Variants in PPL observed in about 807,000 individuals in gnomAD.
The protein encoded by PPL is periplakin, also known as 190 kDa paraneoplastic pemphigus antigen.
PPL carries 198 observed loss-of-function variants against 194.4 expected under a neutral mutation model. The ratio of observed to expected loss-of-function variants is 1.02; its 90% CI spans 0.91 to 1.15. PPL has a LOEUF of 1.15. Ranked by LOEUF, PPL falls within the 50% of genes most tolerant of loss-of-function variation. The pLI, the probability that PPL is intolerant of heterozygous loss-of-function variation, is 0.00. For missense variants in PPL, 2,885 were observed against 2,294.8 expected (o/e 1.26, Z -5.25); for synonymous variants, 1,220 against 972.4 (o/e 1.25, Z -4.74).
chr16:4,910,915 G>T lies in PPL; in HGVS notation c.97C>A (p.Gln33Lys). 6.2e-7 allele frequency: 1 copy of T among 1,613,476 alleles called. No individual in the cohort carries two copies. The highest frequency in any genetic ancestry group is 8.5e-7 in the Non-Finnish European group (1 of 1,179,996). Residue 33 changes from glutamine (Q) to lysine (K), a missense_variant, in exon 2 of 22, where the codon CAG (glutamine) becomes AAG (lysine). Physicochemically the swap from Gln to Lys is moderately conservative, Grantham distance 53. Transcript: ENST00000345988. ...SNKELSELIE[Q>K]LQKNADQVEK... ...ACCTGGTCGGCATTCTTCTGCAGCT[G>T]CTCGATCAGCTCCGAGAGCTCCTTG...
At chr16:4,895,214 C>A in intron 11 of PPL, 47 bp downstream of exon 11, 3 of 1,538,858 alleles carry the variant, frequency 1.9e-6, no homozygotes, top group South Asian at 2.4e-5. Context: ...ACCATGTTAC[C>A]CCAAAAACTT....
At position 4,895,324 on chromosome 16, in the gene PPL, G is replaced by T. The variant is rs1172554313; in HGVS notation, c.1179C>A (p.Tyr393Ter). The change falls in exon 11 of 22, where the codon TAC (tyrosine) becomes TAA (stop). Residue 393 changes from tyrosine to a stop codon, truncating the protein, a stop_gained. Transcript: ENST00000345988. LOFTEE classifies it high-confidence loss of function. ...TGGGCTTGAGCGGAGTCTCCCGGCG[G>T]TACTTGAGGGGCACCACCTGCTGGC... is the stretch of plus-strand genomic sequence containing the variant. ...KRGQQVVPLK[Y>*]RRETPLKPIP... 1 of 1,613,348 alleles carries T rather than the reference G, an allele frequency of 6.2e-7. No individual in the cohort carries two copies. Among genetic ancestry groups the T allele is most frequent in the Non-Finnish European group, 8.5e-7 (1 of 1,179,972 alleles).
At chr16:4,925,587 C>T (rs887799328) in intron 1 of PPL, among the ~76,000 whole-genome samples, 1 of 152,188 alleles carries the variant, frequency 6.6e-6, no homozygotes, top group African/African-American at 2.4e-5. Context: ...TAATTCCACA[C>T]CTTGCGTAGG....
intron 16 of PPL, chr16:4,891,480 C>T (rs563681462): frequency 3.3e-5 from 7 of 213,266 alleles, no homozygotes; most frequent in South Asian, 1.8e-4. Flanking sequence ...GGTCTTGCAA[C>T]GTTGTCCAGG....
At chr16:4,914,136 CAT>C (rs1175702613) in intron 1 of PPL, among the ~76,000 whole-genome samples, 1 of 152,156 alleles carries the variant, frequency 6.6e-6, no homozygotes, top group African/African-American at 2.4e-5. Context: ...GAGGACACGC[CAT>C]AGAGAGAGGC....
At chr16:4,889,671 ATTAT>A (rs956211781) in intron 18 of PPL, among the ~76,000 whole-genome samples, 2 of 152,078 alleles carry the variant, frequency 1.3e-5, no homozygotes. Context: ...TCTGACTTAG[ATTAT>A]CTCATTTAAT....
At chr16:4,898,534 T>C (rs1464082576) in intron 8 of PPL, among the ~76,000 whole-genome samples, 1 of 151,860 alleles carries the variant, frequency 6.6e-6, no homozygotes, top group Non-Finnish European at 1.5e-5. Context: ...CAGAGAGACA[T>C]GGGGAGAGAA....
intron 1 of PPL, among the ~76,000 whole-genome samples, chr16:4,932,277 T>C (rs539314788): frequency 2.6e-5 from 4 of 152,262 alleles, no homozygotes; most frequent in Non-Finnish European, 5.9e-5. Flanking sequence ...GGGGCGGCTC[T>C]CTCTAAGCTG....
intron 21 of PPL, among the ~76,000 whole-genome samples, chr16:4,886,678 GCA>G (rs2088225297): frequency 6.6e-6 from 1 of 152,166 alleles, no homozygotes; most frequent in Non-Finnish European, 1.5e-5. Context: ...GAGTGCAGTG[GCA>G]CAGTCTCAGC....
In PPL at chr16:4,895,556, G is replaced by A. The variant is rs184826133; in HGVS notation, c.1095+38C>T. 174 of 1,612,742 alleles carry A rather than the reference G, an allele frequency of 1.1e-4. No individual in the cohort carries two copies. In the African/African-American group the frequency reaches 1.8e-3, roughly 17 times the overall value. ...CAGGCATGGTGTAGAGGGGTCCCCCGCCCCCCGGGCCAGCAGGGGTCCTGG... is the reference window on the plus strand; with the variant it reads ...CAGGCATGGTGTAGAGGGGTCCCCCACCCCCCGGGCCAGCAGGGGTCCTGG... On this transcript the variant is annotated intron_variant, in intron 10 of 21. Transcript: ENST00000345988.
intron 1 of PPL, among the ~76,000 whole-genome samples, chr16:4,926,386 C>T (rs1286451418): frequency 6.6e-6 from 1 of 152,172 alleles, no homozygotes; most frequent in Admixed American, 6.5e-5. Flanking sequence ...CATTAACAAG[C>T]CCCCAGAGAT....
At chr16:4,934,822 G>T (rs2089274211) in intron 1 of PPL, among the ~76,000 whole-genome samples, 1 of 152,122 alleles carries the variant, frequency 6.6e-6, no homozygotes, top group Non-Finnish European at 1.5e-5. Context: ...AGAGGATGGG[G>T]TACAGGGCTA....
rs1041012663 is a variant in PPL, at chr16:4,934,807, G to A, written c.62+2177C>T. Among the ~76,000 whole-genome samples, 7 of 152,136 alleles carry A rather than the reference G, an allele frequency of 4.6e-5. 1 individual carries two copies. Among genetic ancestry groups the A allele is most frequent in the African/African-American group, 7.2e-5 (3 of 41,416 alleles). On this transcript the variant is annotated intron_variant, in intron 1 of 21. Transcript: ENST00000345988. Reference sequence around the variant, plus strand: ...GCATCAGGCAATGTTCAAGAGATGCGTTTGAGAGGATGGGGTACAGGGCTA... The same window carrying A: ...GCATCAGGCAATGTTCAAGAGATGCATTTGAGAGGATGGGGTACAGGGCTA...
chr16:4,905,740 T>C (rs1275493487), intron 2 of PPL, among the ~76,000 whole-genome samples: 3 of 152,202 alleles, frequency 2.0e-5, no homozygotes, highest in Non-Finnish European at 2.9e-5. Context: ...TTTGCCTGGC[T>C]AAGTCTGGAA....
chr16:4,914,259 T>C (rs2088876008), intron 1 of PPL, among the ~76,000 whole-genome samples: 1 of 152,168 alleles, frequency 6.6e-6, no homozygotes, highest in Non-Finnish European at 1.5e-5. Context: ...TTCTGGGGCC[T>C]AGCATGAAAA....
At chr16:4,890,141 C>T (rs56165684) in intron 18 of PPL, 43 bp downstream of exon 18, 18,754 of 1,613,410 alleles carry the variant, frequency 0.012, 171 homozygotes, top group Middle Eastern at 0.02. Context: ...TCTGACCCTC[C>T]CTTGCCAGTG....
intron 14 of PPL, 74 bp downstream of exon 14, chr16:4,893,139 G>A: frequency 5.6e-6 from 8 of 1,424,910 alleles, no homozygotes; most frequent in East Asian, 2.5e-5. Flanking sequence ...ATGGGGAAAA[G>A]ACCTCAAATA....
intron 2 of PPL, among the ~76,000 whole-genome samples, chr16:4,905,311 G>A (rs1008671479): frequency 3.3e-5 from 5 of 152,346 alleles, no homozygotes; most frequent in African/African-American, 4.8e-5. Context: ...CCTGGAAGAC[G>A]TTATTCAAAG....
intron 6 of PPL, 91 bp from the exon 7 acceptor site, chr16:4,899,475 C>CTGGCCTGAGGACAAGACCAGCTATGGG: frequency 1.4e-6 from 1 of 709,084 alleles, no homozygotes; most frequent in Non-Finnish European, 2.3e-6. Flanking sequence ...CCAGCTATGG[C>CTGGCCTGAGGACAAGACCAGCTATGGG]TGGCCTGAGG....
Sources: allele counts gnomAD v4.1 joint callset (sites outside exome capture counted in the v4.1 genomes callset), GRCh38; gene constraint gnomAD v4.1.1; transcripts MANE v1.5; gene names NCBI Gene and HGNC (gene_info 2026-07-23, HGNC 2026-07-21).